The following NUBP2 variants were observed in gnomAD, a reference collection of about 807,000 sequenced individuals.
The protein encoded by NUBP2 is cytosolic Fe-S cluster assembly factor NUBP2.
Under a neutral mutation model 24.9 loss-of-function variants are expected in NUBP2, and 23 were observed. The ratio of observed to expected loss-of-function variants is 0.92; its 90% CI spans 0.66 to 1.31. NUBP2 has a LOEUF of 1.31. Among genes scored for constraint, NUBP2 ranks in the 50% most tolerant of loss-of-function variants. The pLI, the probability that NUBP2 is intolerant of heterozygous loss-of-function variation, is 0.00. For synonymous variants in NUBP2, 186 were observed against 170.9 expected, an observed-to-expected ratio of 1.09 and a Z score of -0.69; for missense variants, 403 against 386.5, an observed-to-expected ratio of 1.04 and a Z score of -0.36.
chr16:1,786,890 TGTCTGTGGGCTTCCTGCTGGAGAA>T lies in NUBP2; in HGVS notation c.271_294del (p.Ser91_Lys98del). On this transcript the variant is annotated inframe_deletion, in exon 3 of 7. Transcript: ENST00000262302. ...GACCGGGAGCAGAGCATCTCGCTCA[TGTCTGTGGGCTTCCTGCTGGAGAA>T]GCCGGACGAGGCCGTGGTGTGGAGA... The T allele has an allele frequency of 1.3e-6, 2 of 1,564,392 alleles. No homozygotes were observed. The highest frequency in any genetic ancestry group is 2.3e-5 in the South Asian group (2 of 86,988).
intron 6 of NUBP2, 72 bp from the exon 7 acceptor site, chr16:1,788,497 T>C (rs1897098247): frequency 1.2e-5 from 18 of 1,490,718 alleles, no homozygotes; most frequent in South Asian, 2.6e-5. Flanking sequence ...GTGGTTCGGG[T>C]GCGTCCAGCT....
chr16:1,783,371 A>G (rs1896812418), intron 1 of NUBP2: 8 of 1,083,592 alleles, frequency 7.4e-6, no homozygotes, highest in East Asian at 5.9e-5. Context: ...TTGCAACTGC[A>G]CCGCAGCCCG....
chr16:1,786,321 G>T, intron 1 of NUBP2: 1 of 579,364 alleles, frequency 1.7e-6, no homozygotes, highest in Non-Finnish European at 3.1e-6. Context: ...TGCAGGGAGT[G>T]CCGTGGTCTT....
intron 1 of NUBP2, 74 bp from the exon 2 acceptor site, chr16:1,786,463 C>T: frequency 2.3e-6 from 3 of 1,286,710 alleles, no homozygotes; most frequent in African/African-American, 2.9e-5. Context: ...GTGCAAGAGG[C>T]AGTGGGTGAC....
At chr16:1,783,509 A>G in intron 1 of NUBP2, 3 of 987,518 alleles carry the variant, frequency 3.0e-6, no homozygotes, top group Non-Finnish European at 3.6e-6. Flanking sequence ...AGAAAAGTGT[A>G]AGTTGCGCGG....
chr16:1,788,543 G>T (rs1369424813), intron 6 of NUBP2, 26 bp from the exon 7 acceptor site: 2 of 1,579,240 alleles, frequency 1.3e-6, no homozygotes, highest in Admixed American at 1.7e-5. Context: ...CGGACATGGC[G>T]CCACCGCCTC....
At chr16:1,783,302 C>T in intron 1 of NUBP2, 1 of 1,135,256 alleles carries the variant, frequency 8.8e-7, no homozygotes, top group Non-Finnish European at 1.1e-6. Flanking sequence ...CTTTGTTGAG[C>T]ACCGCGTTGT....
At chr16:1,783,840 C>A in intron 1 of NUBP2, 1 of 188,440 alleles carries the variant, frequency 5.3e-6, no homozygotes, top group Non-Finnish European at 9.9e-6. Context: ...ACTACAGGCG[C>A]CCGCCACCAC....
rs1338417675 is a variant in NUBP2, at chr16:1,786,538, G to T, written c.18G>T (p.Glu6Asp). The T allele has an allele frequency of 6.3e-7, 1 of 1,593,538 alleles. No individual in the cohort carries two copies. Among genetic ancestry groups the T allele is most frequent in the Non-Finnish European group, 8.6e-7 (1 of 1,165,972 alleles). The change falls in exon 2 of 7, where the codon GAG (glutamate) becomes GAT (aspartate). Residue 6 changes from glutamate (E) to aspartate (D), a missense_variant and splice_region_variant. Transcript: ENST00000262302. ...CTTCTCTGTCGTGTTTCCGCCCAGA[G>T]CCTGGAAACCTGGCCGGCGTCAGGC... MEAAA[E>D]PGNLAGVRHI...
rs763289760 is a variant in NUBP2 at position 1,786,737 on chromosome 16, G to C, written c.136-20G>C. 42 of 1,611,460 alleles carry C rather than the reference G, an allele frequency of 2.6e-5. No individual in the cohort carries two copies. The highest frequency in any genetic ancestry group is 8.5e-7 in the Non-Finnish European group (1 of 1,179,270). Reference sequence around the variant, plus strand: ...GAGGCCTGGCGGTGCCCCCGGCCTAGGCTGTGCCGCTCCTTGCAGGTGGGA... The same window carrying C: ...GAGGCCTGGCGGTGCCCCCGGCCTACGCTGTGCCGCTCCTTGCAGGTGGGA... On this transcript the variant is annotated intron_variant, in intron 2 of 6. Transcript: ENST00000262302.
chr16:1,785,030 C>T (rs1349716151), intron 1 of NUBP2: 6 of 950,026 alleles, frequency 6.3e-6, no homozygotes, highest in Admixed American at 6.2e-5. Context: ...CCAGCCTGGG[C>T]GACAGAATGA....
At chr16:1,787,481 G>T (rs1259680046) in intron 3 of NUBP2, 196 bp from the exon 4 acceptor site, 9 of 702,342 alleles carry the variant, frequency 1.3e-5, no homozygotes, top group Non-Finnish European at 2.1e-5. Context: ...AGAAAGGGAC[G>T]CTGTAATGGC....
At position 1,788,052 on chromosome 16, in the gene NUBP2, G is replaced by A. The variant is rs1473102782; in HGVS notation, c.600+1G>A. The stretch of plus-strand genomic sequence containing the variant: ...CGGCTTCACCTGCCCACACTGCACG[G>A]TGAGTCCCGGGGGTTGCAGAGGGGG... On this transcript the variant is annotated splice_donor_variant, in intron 5 of 6. Coordinates refer to ENST00000262302, the MANE Select transcript of NUBP2 (RefSeq NM_012225.4). LOFTEE classifies it high-confidence loss of function. The A allele has an allele frequency of 1.3e-6, 2 of 1,588,678 alleles. No individual in the cohort carries two copies. Among genetic ancestry groups the A allele is most frequent in the Non-Finnish European group, 1.7e-6 (2 of 1,170,328 alleles).
At chr16:1,783,640 T>G (rs998315798) in intron 1 of NUBP2, 9 of 306,118 alleles carry the variant, frequency 2.9e-5, no homozygotes, top group Non-Finnish European at 3.3e-5. Context: ...AAGGAAAACA[T>G]TCCTCGGACA....
chr16:1,787,891 G>A (rs368214303), intron 4 of NUBP2, 50 bp from the exon 5 acceptor site: 8 of 1,600,616 alleles, frequency 5.0e-6, no homozygotes, highest in African/African-American at 1.3e-5. Flanking sequence ...CTGGGCGGGT[G>A]TCCCTGCTGG....
At position 1,786,868 on chromosome 16, in the gene NUBP2, CG is replaced by C; in HGVS notation, c.250del (p.Glu84SerfsTer30). On this transcript the variant is annotated frameshift_variant, in exon 3 of 7. Transcript: ENST00000262302. LOFTEE classifies it high-confidence loss of function. ...CGGCTGGGCACCCGTCTTCCTGGAC[CG>C]GGAGCAGAGCATCTCGCTCATGTCT... ...DRGWAPVFLD[R>X]EQSISLMSVG... The C allele has an allele frequency of 5.7e-6, 9 of 1,589,646 alleles. No individual in the cohort carries two copies. Among genetic ancestry groups the C allele is most frequent in the Non-Finnish European group, 7.7e-6 (9 of 1,163,510 alleles).
rs776944012 is a variant in NUBP2, at chr16:1,786,741, G to A, written c.136-16G>A. On this transcript the variant is annotated splice_polypyrimidine_tract_variant and intron_variant, in intron 2 of 6. Transcript: ENST00000262302. ...CCTGGCGGTGCCCCCGGCCTAGGCT[G>A]TGCCGCTCCTTGCAGGTGGGAATCC... The A allele has an allele frequency of 1.2e-6, 2 of 1,611,392 alleles. No individual in the cohort carries two copies. The highest frequency in any genetic ancestry group is 2.2e-5 in the East Asian group (1 of 44,830).
intron 1 of NUBP2, 162 bp downstream of exon 1, chr16:1,783,198 A>G: frequency 8.5e-7 from 1 of 1,171,230 alleles, no homozygotes; most frequent in Non-Finnish European, 1.1e-6. Context: ...CATTTTCTAA[A>G]CAGGGTCGTT....
intron 6 of NUBP2, 34 bp downstream of exon 6, chr16:1,788,241 CT>C: frequency 6.9e-7 from 1 of 1,447,972 alleles, no homozygotes. Flanking sequence ...GGGTCGCGGC[CT>C]CCCATTCCAT....
Sources: gnomAD v4.1 joint callset for allele counts on GRCh38, gnomAD v4.1.1 for gene constraint, MANE v1.5 for transcripts, NCBI Gene and HGNC (gene_info 2026-07-23, HGNC 2026-07-21) for gene names.